IFT140: variants seen among roughly 807,000 people sequenced by gnomAD.
IFT140 encodes intraflagellar transport 140, also known as intraflagellar transport protein 140 homolog.
Under a neutral mutation model 164.6 loss-of-function variants are expected in IFT140, and 133 were observed. That is an observed-to-expected ratio of 0.81 (90% CI 0.70 to 0.93). The LOEUF is 0.93. IFT140 is among the 40% of genes least tolerant of loss of function. The pLI is 0.00. For synonymous variants in IFT140, 860 were observed against 817.3 expected (o/e 1.05, Z -0.89); for missense variants, 2,045 against 1,972.3 (o/e 1.04, Z -0.70).
At chr16:1,527,550 G>A (rs563129520) in intron 19 of IFT140, among the ~76,000 whole-genome samples, 87 of 152,298 alleles carry the variant, frequency 5.7e-4, no homozygotes, top group African/African-American at 1.9e-3. Flanking sequence ...GTGCAGGGAC[G>A]GTGGAAGTCA....
intron 12 of IFT140, among the ~76,000 whole-genome samples, chr16:1,582,611 AC>A (rs1388397542): frequency 6.6e-6 from 1 of 152,232 alleles, no homozygotes; most frequent in Non-Finnish European, 1.5e-5. Flanking sequence ...CAGGAAGAAA[AC>A]AATGGCCAAG....
chr16:1,564,288 T>C lies in IFT140; in HGVS notation c.1902-126A>G, dbSNP rs1280198976. 1.4e-6 allele frequency: 1 copy of C among 701,498 alleles called. No homozygotes were observed. The highest frequency in any genetic ancestry group is 2.1e-6 in the Non-Finnish European group (1 of 465,734). 43.5% of individuals were successfully genotyped at this position (701,498 alleles called of 1,614,324 possible). On this transcript the variant is annotated intron_variant, in intron 16 of 30. Transcript: ENST00000426508. This position sits in a 1 kb window ranked among gnomAD's most constrained non-coding sequence, Gnocchi z 5.5. Reference sequence around the variant, plus strand: ...ACCATGGTGTCCACGCGCTCAGCTCTGGGAGAACTTTTGGGGTCTCACTGC... The same window carrying C: ...ACCATGGTGTCCACGCGCTCAGCTCCGGGAGAACTTTTGGGGTCTCACTGC...
At chr16:1,552,013 A>AC (rs914732486) in intron 19 of IFT140, among the ~76,000 whole-genome samples, 1 of 151,746 alleles carries the variant, frequency 6.6e-6, no homozygotes, top group African/African-American at 2.4e-5. Flanking sequence ...GTGGAAACTG[A>AC]CCCCCACGGC....
chr16:1,600,150 T>A (rs1488244642), intron 4 of IFT140, among the ~76,000 whole-genome samples: 3 of 144,904 alleles, frequency 2.1e-5, no homozygotes. Context: ...TCTGTGACCT[T>A]ACCCCCAACC....
intron 30 of IFT140, among the ~76,000 whole-genome samples, chr16:1,512,232 G>A (rs1440150093): frequency 8.9e-5 from 13 of 145,758 alleles, no homozygotes; most frequent in African/African-American, 2.3e-4. Flanking sequence ...CAGGACAGGC[G>A]GCGTAGGTGG....
chr16:1,604,401 T>C (rs1311659875), intron 3 of IFT140: 1 of 150,902 alleles, frequency 6.6e-6, no homozygotes, highest in African/African-American at 2.4e-5. Context: ...GATGAAGGAG[T>C]GTCTTCTTTG....
intron 19 of IFT140, chr16:1,552,911 C>T (rs1318447132): frequency 1.0e-6 from 1 of 959,380 alleles, no homozygotes; most frequent in East Asian, 1.2e-4. Flanking sequence ...CCTCAGCCTC[C>T]CAAAGTGCTG....
intron 12 of IFT140, among the ~76,000 whole-genome samples, chr16:1,582,020 A>G (rs1290377016): frequency 6.6e-6 from 1 of 152,052 alleles, no homozygotes; most frequent in Non-Finnish European, 1.5e-5. Context: ...CGCCCTGGGA[A>G]GAGCATGACA....
chr16:1,599,379 T>G (rs1392531500), intron 4 of IFT140, among the ~76,000 whole-genome samples: 1 of 42,914 alleles, frequency 2.3e-5, no homozygotes, highest in African/African-American at 1.6e-4. Context: ...GGTGGGGGGG[T>G]CAGCCCCCCG....
chr16:1,541,460 C>A (rs370396926), intron 19 of IFT140: 5 of 985,400 alleles, frequency 5.1e-6, no homozygotes, highest in South Asian at 4.7e-5. Context: ...CAGGACAGCA[C>A]GCCTGAGGAG....
chr16:1,607,039 C>A, intron 3 of IFT140, 81 bp downstream of exon 3: 1 of 1,400,440 alleles, frequency 7.1e-7, no homozygotes, highest in South Asian at 1.3e-5. Flanking sequence ...CACACATGTG[C>A]ACACACACAA....
chr16:1,567,363 C>T (rs535539189), intron 15 of IFT140, among the ~76,000 whole-genome samples: 1 of 152,238 alleles, frequency 6.6e-6, no homozygotes, highest in South Asian at 2.1e-4. Context: ...AGTGCAGACC[C>T]TCGATGAGGA....
intron 26 of IFT140, among the ~76,000 whole-genome samples, chr16:1,521,754 C>T (rs954262496): frequency 1.3e-5 from 2 of 150,998 alleles, no homozygotes; most frequent in Non-Finnish European, 2.9e-5. Flanking sequence ...GGCATGTTGG[C>T]TCATGCCTGT....
Position 1,525,326 on chromosome 16 carries a change from GC to G in IFT140, c.2769-1del. ...AGCGGTGCGTGTCCGACTTCTCGTA[GC>G]TGTGAGAGAAGGAGACAGAGGTCCT... On this transcript the variant is annotated splice_acceptor_variant, in intron 21 of 30. Coordinates refer to ENST00000426508, the MANE Select transcript of IFT140 (RefSeq NM_014714.4). LOFTEE classifies it high-confidence loss of function. 2 of 1,609,474 alleles carry G rather than the reference GC, an allele frequency of 1.2e-6. No homozygotes were observed. The highest frequency in any genetic ancestry group is 1.7e-6 in the Non-Finnish European group (2 of 1,178,156).
At chr16:1,585,544 T>TA (rs1297326863) in intron 10 of IFT140, among the ~76,000 whole-genome samples, 3 of 152,316 alleles carry the variant, frequency 2.0e-5, no homozygotes, top group East Asian at 3.9e-4. Flanking sequence ...TCATGAGTTA[T>TA]ATCTCAGTAA....
intron 19 of IFT140, among the ~76,000 whole-genome samples, chr16:1,539,183 G>A (rs1016138421): frequency 9.5e-5 from 14 of 148,046 alleles, no homozygotes; most frequent in Non-Finnish European, 1.5e-4. Context: ...GCCGCCCCAC[G>A]CCTTGGGCCT....
intron 19 of IFT140, chr16:1,528,801 G>C (rs2030113402): frequency 6.6e-6 from 1 of 152,486 alleles, no homozygotes; most frequent in African/African-American, 2.4e-5. Flanking sequence ...GTCCCGGTGA[G>C]TGAGCGGAGC....
chr16:1,603,824 G>GA (rs1596464128), intron 3 of IFT140, among the ~76,000 whole-genome samples: 2 of 152,170 alleles, frequency 1.3e-5, no homozygotes, highest in African/African-American at 4.8e-5. Context: ...CAGCTTTGGG[G>GA]AAGATATAAG....
At position 1,566,293 on chromosome 16, in the gene IFT140, TAGG is replaced by T. The variant is rs767298881; in HGVS notation, c.1771-5_1771-3del. 6.2e-6 allele frequency: 10 copies of T among 1,612,992 alleles called. No homozygotes were observed. The East Asian group carries it at 6.7e-5, about 11-fold the overall frequency. The stretch of plus-strand genomic sequence containing the variant: ...TTTGGAATCAGGGCTGTTGTCAGCC[TAGG>T]AGAAGAGAAAACCAGAAAGCTCACG... On this transcript the variant is annotated splice_polypyrimidine_tract_variant and splice_region_variant and intron_variant, in intron 15 of 30. Coordinates refer to ENST00000426508, the MANE Select transcript of IFT140 (RefSeq NM_014714.4).
Sources: gnomAD v4.1 joint callset for allele counts (sites outside exome capture counted in the v4.1 genomes callset) on GRCh38, gnomAD v4.1.1 for gene constraint, Gnocchi (gnomAD v3.1) non-coding constraint, MANE v1.5 for transcripts, NCBI Gene and HGNC (gene_info 2026-07-23, HGNC 2026-07-21) for gene names.